RANGAP1: variants seen among roughly 807,000 people sequenced by gnomAD.
The protein encoded by RANGAP1 is ran GTPase-activating protein 1.
In RANGAP1, 38 loss-of-function variants were observed where a neutral mutation model predicts 63.5. The ratio of observed to expected loss-of-function variants is 0.60; its 90% CI spans 0.46 to 0.78. RANGAP1 has a LOEUF of 0.78. Among genes scored for constraint, RANGAP1 ranks in the 30% least tolerant of loss-of-function variants. The probability of loss-of-function intolerance (pLI) is 0.00; values close to 1 mark genes in which losing one functional copy is unlikely to be tolerated. For synonymous variants in RANGAP1, 329 were observed against 310.5 expected (o/e 1.06, Z -0.63); for missense variants, 630 against 740.3 (o/e 0.85, Z 1.73).
chr22:41,291,609 A>AAAT, the RANGAP1 span, among the ~76,000 whole-genome samples: 1 of 128,494 alleles, frequency 7.8e-6, no homozygotes, highest in South Asian at 2.5e-4. Context: ...AAAAAAAAAA[A>AAAT]AAAAATAGGC....
At chr22:41,267,506 C>T (rs958294221) in intron 4 of RANGAP1, among the ~76,000 whole-genome samples, 9 of 152,138 alleles carry the variant, frequency 5.9e-5, no homozygotes, top group Non-Finnish European at 8.8e-5. Flanking sequence ...TGCCCTCTTC[C>T]CTTGGCCAGG....
At chr22:41,294,861 A>C in the RANGAP1 span, among the ~76,000 whole-genome samples, 1 of 2,738 alleles carries the variant, frequency 3.7e-4, no homozygotes, top group Non-Finnish European at 7.5e-4. Context: ...CCCGGCAGCC[A>C]CCTCGTCCGG....
At chr22:41,249,646 G>T in intron 14 of RANGAP1, 83 bp downstream of exon 14, 2 of 1,543,754 alleles carry the variant, frequency 1.3e-6, no homozygotes, top group South Asian at 2.2e-5. Flanking sequence ...CGAGGTGAGG[G>T]AGGTTGGCGG....
At chr22:41,294,262 C>G in the RANGAP1 span, among the ~76,000 whole-genome samples, 1 of 152,234 alleles carries the variant, frequency 6.6e-6, no homozygotes, top group Non-Finnish European at 1.5e-5. Flanking sequence ...CTGTGTTGGC[C>G]GGGCTGGTCT....
the RANGAP1 span, among the ~76,000 whole-genome samples, chr22:41,300,945 C>T: frequency 1.3e-5 from 2 of 152,142 alleles, no homozygotes; most frequent in African/African-American, 2.4e-5. Flanking sequence ...TTTCTCCTTC[C>T]TCATAAATTC....
intron 6 of RANGAP1, among the ~76,000 whole-genome samples, chr22:41,260,619 G>A (rs1482652783): frequency 6.6e-6 from 1 of 152,138 alleles, no homozygotes; most frequent in African/African-American, 2.4e-5. Flanking sequence ...AGGCCCAGGC[G>A]GGCAGATCAC....
At chr22:41,286,532 T>C (rs2035756166), upstream of RANGAP1, among the ~76,000 whole-genome samples, 1 of 152,370 alleles carries the variant, frequency 6.6e-6, no homozygotes, top group African/African-American at 2.4e-5. Flanking sequence ...GGAAAGGTTT[T>C]GTTCGCGTAA....
chr22:41,274,891 G>A (rs766315554), intron 2 of RANGAP1, among the ~76,000 whole-genome samples, 164 bp from the exon 3 acceptor site: 10 of 152,116 alleles, frequency 6.6e-5, no homozygotes, highest in Non-Finnish European at 1.0e-4. Flanking sequence ...CCAGAGTACA[G>A]AGCTATGCAG....
At chr22:41,267,806 C>T (rs1265957233) in intron 4 of RANGAP1, among the ~76,000 whole-genome samples, 1 of 152,170 alleles carries the variant, frequency 6.6e-6, no homozygotes, top group African/African-American at 2.4e-5. Flanking sequence ...GTGAAATCCA[C>T]AGTCAACCAA....
chr22:41,259,966 G>A (rs73430554), intron 6 of RANGAP1, among the ~76,000 whole-genome samples: 6,344 of 151,828 alleles, frequency 0.042, 443 homozygotes, highest in African/African-American at 0.15. Flanking sequence ...AGATTGCACC[G>A]TTGTACTCCA....
At chr22:41,252,726 C>G in intron 12 of RANGAP1, 146 bp downstream of exon 12, 1 of 934,120 alleles carries the variant, frequency 1.1e-6, no homozygotes, top group Non-Finnish European at 1.5e-6. Flanking sequence ...TGGACATTTG[C>G]GCGTGTTGTA....
intron 6 of RANGAP1, among the ~76,000 whole-genome samples, chr22:41,258,691 G>A (rs751190267): frequency 6.0e-5 from 9 of 151,176 alleles, no homozygotes; most frequent in African/African-American, 1.7e-4. Flanking sequence ...GTCTCGTTCC[G>A]TCGCCCAGGC....
At chr22:41,294,880 TGGGGGGGTGAG>T in the RANGAP1 span, among the ~76,000 whole-genome samples, 2 of 64,490 alleles carry the variant, frequency 3.1e-5, no homozygotes, top group Non-Finnish European at 5.9e-5. Flanking sequence ...GGGAGGGAGG[TGGGGGGGTGAG>T]CCCCCCGCCC....
rs1255352794 is a variant in RANGAP1, at chr22:41,259,881, C to T, written c.615+1565G>A. On this transcript the variant is annotated intron_variant, in intron 6 of 15. Transcript: ENST00000356244. ...ACTGGGTGGGCATGGTGGTGCACAC[C>T]TGTAGTCCCAGCTAATCGGGAGGCT... Among the ~76,000 whole-genome samples, 7 of 152,250 alleles carry T rather than the reference C, an allele frequency of 4.6e-5. No homozygotes were observed. The East Asian group carries it at 9.7e-4, about 21-fold the overall frequency.
At chr22:41,264,600 C>T (rs752034815) in intron 5 of RANGAP1, 64 bp downstream of exon 5, 335 of 1,534,176 alleles carry the variant, frequency 2.2e-4, no homozygotes, top group Middle Eastern at 4.1e-4. Context: ...AGGGCCAGGG[C>T]ACATATGTCA....
At chr22:41,259,113 C>T (rs1316828747) in intron 6 of RANGAP1, among the ~76,000 whole-genome samples, 1 of 152,106 alleles carries the variant, frequency 6.6e-6, no homozygotes, top group Non-Finnish European at 1.5e-5. Context: ...TCACGGTGGT[C>T]CTCATCCTGC....
At chr22:41,285,028 C>G (rs1418517874) in intron 1 of RANGAP1, 1 of 152,056 alleles carries the variant, frequency 6.6e-6, no homozygotes, top group Non-Finnish European at 1.5e-5. Flanking sequence ...GGTGTGATGG[C>G]ATCTGTAGTC....
chr22:41,284,635 G>A lies in RANGAP1; in HGVS notation c.-39+1351C>T, dbSNP rs1325612349. On this transcript the variant is annotated intron_variant, in intron 1 of 15. Coordinates refer to ENST00000356244, the MANE Select transcript of RANGAP1 (RefSeq NM_002883.4). ...TCCTGCAATCCCAGCATTTCCGGAG[G>A]CTGAGGTGGGCGGATCGATTGAGCA... Among the ~76,000 whole-genome samples, 3 of 152,184 alleles carry A rather than the reference G, an allele frequency of 2.0e-5. No individual in the cohort carries two copies. The East Asian group carries it at 5.8e-4, about 29-fold the overall frequency.
the RANGAP1 span, among the ~76,000 whole-genome samples, chr22:41,291,413 T>G: frequency 6.9e-6 from 1 of 145,434 alleles, no homozygotes. Flanking sequence ...CTGACCAATA[T>G]GGTGAAACCC....
Sources: allele counts gnomAD v4.1 joint callset (sites outside exome capture counted in the v4.1 genomes callset), GRCh38; gene constraint gnomAD v4.1.1; transcripts MANE v1.5; gene names NCBI Gene and HGNC (gene_info 2026-07-23, HGNC 2026-07-21).